SOX6: variants seen among roughly 807,000 people sequenced by gnomAD.
The protein encoded by SOX6 is SRY-box transcription factor 6, also known as transcription factor SOX-6.
In SOX6, 11 loss-of-function variants were observed where a neutral mutation model predicts 97.8. The ratio of observed to expected loss-of-function variants is 0.11; its 90% CI spans 0.07 to 0.19. SOX6 has a LOEUF of 0.19. Among genes scored for constraint, SOX6 ranks in the 10% least tolerant of loss-of-function variants. The probability of loss-of-function intolerance (pLI) is 1.00; values close to 1 mark genes in which losing one functional copy is unlikely to be tolerated. For synonymous variants in SOX6, 360 were observed against 371.4 expected, an observed-to-expected ratio of 0.97 and a Z score of 0.35; for missense variants, 810 against 1,039.5, an observed-to-expected ratio of 0.78 and a Z score of 3.04.
At chr11:16,479,601 T>C (rs547558594), upstream of SOX6, among the ~76,000 whole-genome samples, 21 of 149,666 alleles carry the variant, frequency 1.4e-4, 1 homozygote, top group African/African-American at 5.1e-4. Flanking sequence ...TGTCCAATAA[T>C]ATAAAAATGT....
At chr11:16,720,561 G>T (rs1848253090) in intron 2 of SOX6, among the ~76,000 whole-genome samples, 1 of 110,700 alleles carries the variant, frequency 9.0e-6, no homozygotes, top group South Asian at 4.1e-4. Context: ...GGGGAGGGGG[G>T]AGGGATAGCA....
chr11:16,137,072 T>C lies in SOX6; in HGVS notation c.778-25149A>G, dbSNP rs1042884222. 2.0e-5 allele frequency among the ~76,000 whole-genome samples: 3 copies of C among 152,208 alleles called. No individual in the cohort carries two copies. The South Asian group carries it at 6.2e-4, about 31-fold the overall frequency. On this transcript the variant is annotated intron_variant, in intron 6 of 15. Transcript: ENST00000683767. ...TTGGAAGATAAAAATAATTTTTGTG[T>C]TGCAACATTAATCTAATCTGAACTT... is the stretch of plus-strand genomic sequence containing the variant.
At chr11:16,647,563 T>C (rs1359403059) in intron 3 of SOX6, among the ~76,000 whole-genome samples, 1 of 152,162 alleles carries the variant, frequency 6.6e-6, no homozygotes, top group Non-Finnish European at 1.5e-5. Context: ...ACTCACACCC[T>C]GATCTTTTGC....
At chr11:16,435,762 A>G (rs1859364306) in intron 1 of SOX6, among the ~76,000 whole-genome samples, 1 of 152,186 alleles carries the variant, frequency 6.6e-6, no homozygotes, top group South Asian at 2.1e-4. Flanking sequence ...TGGGAAAAAA[A>G]AAAAAGTTTC....
intron 3 of SOX6, among the ~76,000 whole-genome samples, chr11:16,644,094 G>A (rs1474339550): frequency 6.6e-6 from 1 of 152,196 alleles, no homozygotes; most frequent in Non-Finnish European, 1.5e-5. Flanking sequence ...AGGCTGGAGT[G>A]CAATGGTACA....
intron 1 of SOX6, among the ~76,000 whole-genome samples, chr11:16,373,565 A>G (rs1857549393): frequency 1.3e-5 from 2 of 152,090 alleles, no homozygotes; most frequent in African/African-American, 2.4e-5. Flanking sequence ...TAAGTGATGC[A>G]GTATCACACT....
chr11:16,567,912 G>A (rs895650738), intron 4 of SOX6, among the ~76,000 whole-genome samples: 4 of 150,980 alleles, frequency 2.6e-5, no homozygotes, highest in African/African-American at 9.7e-5. Flanking sequence ...ACTTATGTGT[G>A]AATAAGTATA....
chr11:16,136,712 C>T (rs755587891), intron 6 of SOX6, among the ~76,000 whole-genome samples: 1 of 152,126 alleles, frequency 6.6e-6, no homozygotes, highest in Non-Finnish European at 1.5e-5. Flanking sequence ...CTGGAATTAT[C>T]GGTGTAAGCC....
chr11:16,026,337 CT>C (rs1198848659), intron 12 of SOX6, among the ~76,000 whole-genome samples: 3 of 152,122 alleles, frequency 2.0e-5, no homozygotes, highest in Non-Finnish European at 4.4e-5. Flanking sequence ...CATGGTCACC[CT>C]TAGCCAAAAA....
chr11:16,214,806 G>A (rs892972479), intron 4 of SOX6, among the ~76,000 whole-genome samples: 4 of 146,406 alleles, frequency 2.7e-5, no homozygotes, highest in Admixed American at 2.1e-4. Flanking sequence ...CTGGAGTGAA[G>A]TGGCACCATC....
chr11:16,258,660 C>CA (rs1853770222), intron 3 of SOX6, among the ~76,000 whole-genome samples: 1 of 151,710 alleles, frequency 6.6e-6, no homozygotes, highest in African/African-American at 2.4e-5. Context: ...ATACATTTGT[C>CA]AAAACCTATA....
At chr11:16,365,032 A>C (rs1857316465) in intron 1 of SOX6, among the ~76,000 whole-genome samples, 1 of 152,154 alleles carries the variant, frequency 6.6e-6, no homozygotes, top group South Asian at 2.1e-4. Flanking sequence ...AAAGTCCAAA[A>C]ATAGGTGAGT....
intron 1 of SOX6, among the ~76,000 whole-genome samples, chr11:16,412,081 C>A (rs1329538935): frequency 6.6e-6 from 1 of 152,034 alleles, no homozygotes; most frequent in African/African-American, 2.4e-5. Flanking sequence ...AAAAGGAAAA[C>A]TACACACAGA....
chr11:16,171,385 T>G (rs1049452008), intron 6 of SOX6, among the ~76,000 whole-genome samples: 4 of 152,170 alleles, frequency 2.6e-5, no homozygotes, highest in African/African-American at 9.6e-5. Context: ...CATTCATATC[T>G]AGTTAGATAT....
intron 4 of SOX6, among the ~76,000 whole-genome samples, chr11:16,218,349 C>T (rs1314643168): frequency 6.6e-6 from 1 of 152,068 alleles, no homozygotes; most frequent in African/African-American, 2.4e-5. Flanking sequence ...AAACTAGTTA[C>T]AATACAAGCT....
intron 4 of SOX6, among the ~76,000 whole-genome samples, chr11:16,565,583 C>T (rs1188613133): frequency 1.3e-5 from 2 of 151,916 alleles, no homozygotes; most frequent in Non-Finnish European, 2.9e-5. Flanking sequence ...CCATAACACA[C>T]TCTCTTCTTG....
chr11:15,967,304 G>A lies in SOX6; in HGVS notation c.*5505C>T, dbSNP rs1036737278. On this transcript the variant is annotated 3_prime_UTR_variant, in exon 16 of 16. Transcript: ENST00000683767. ...TATAGGAACCAAAGCACAGTACCTT[G>A]ACAACAGAGTTGCAGTTGTCCCAAC... 7.2e-5 allele frequency: 11 copies of A among 152,160 alleles called. No individual in the cohort carries two copies. Among genetic ancestry groups the A allele is most frequent in the African/African-American group, 2.2e-4 (9 of 41,428 alleles). 9.4% of individuals were successfully genotyped at this position (152,160 alleles called of 1,614,324 possible).
intron 6 of SOX6, among the ~76,000 whole-genome samples, chr11:16,148,445 A>C (rs1311650771): frequency 6.6e-6 from 1 of 152,142 alleles, no homozygotes; most frequent in Admixed American, 6.6e-5. Flanking sequence ...AGACTTTAAA[A>C]CACGCTCAAA....
chr11:16,326,925 T>C (rs947710496), intron 2 of SOX6, among the ~76,000 whole-genome samples: 1 of 152,190 alleles, frequency 6.6e-6, no homozygotes, highest in Non-Finnish European at 1.5e-5. Flanking sequence ...CTGAGATAAC[T>C]AGGGTTTCTT....
Sources: allele counts gnomAD v4.1 joint callset (sites outside exome capture counted in the v4.1 genomes callset), GRCh38; gene constraint gnomAD v4.1.1; transcripts MANE v1.5; gene names NCBI Gene and HGNC (gene_info 2026-07-23, HGNC 2026-07-21).